The following LEKR1 variants were observed in gnomAD, a reference collection of about 807,000 sequenced individuals.
The protein encoded by LEKR1 is leucine, glutamate and lysine rich 1, also known as protein LEKR1.
Under a neutral mutation model 72.4 loss-of-function variants are expected in LEKR1, and 59 were observed. The observed-to-expected ratio is 0.82, with a 90% CI of 0.66 to 1.01. The LOEUF (loss-of-function observed/expected upper bound fraction) is 1.01. Among genes scored for constraint, LEKR1 ranks in the 50% least tolerant of loss-of-function variants. The probability of loss-of-function intolerance (pLI) is 0.00; values close to 1 mark genes in which losing one functional copy is unlikely to be tolerated. For synonymous variants in LEKR1, 257 were observed against 263.2 expected, an observed-to-expected ratio of 0.98 and a Z score of 0.23; for missense variants, 728 against 759.2, an observed-to-expected ratio of 0.96 and a Z score of 0.48.
At chr3:156,892,872 A>G (rs1330766475) in intron 3 of LEKR1, among the ~76,000 whole-genome samples, 1 of 152,240 alleles carries the variant, frequency 6.6e-6, no homozygotes, top group Non-Finnish European at 1.5e-5. Context: ...AATTTAGCAC[A>G]GTTTGGTGGT....
In LEKR1 at chr3:157,034,357, G is replaced by A. The variant is rs534734534; in HGVS notation, c.1668+5955G>A. 1.4e-3 allele frequency among the ~76,000 whole-genome samples: 219 copies of A among 152,262 alleles called. 1 individual carries two copies. Among genetic ancestry groups the A allele is most frequent in the African/African-American group, 5.1e-3 (211 of 41,564 alleles). The stretch of plus-strand genomic sequence containing the variant: ...CATTCAGAACATTCCTAATTCATGG[G>A]TAGAGGATAAAATATCAATAATTAC... On this transcript the variant is annotated intron_variant, in intron 12 of 12. Coordinates refer to ENST00000356539, the MANE Select transcript of LEKR1 (RefSeq NM_001004316.3).
intron 12 of LEKR1, among the ~76,000 whole-genome samples, chr3:157,038,548 G>C (rs1735122545): frequency 6.6e-6 from 1 of 152,172 alleles, no homozygotes; most frequent in Non-Finnish European, 1.5e-5. Flanking sequence ...CAAGGGTTGA[G>C]AACAGGCACT....
rs200658547 is a variant in LEKR1, at chr3:156,979,270, G to C, written c.822G>C (p.Met274Ile). 2.2e-3 allele frequency: 2,794 copies of C among 1,274,164 alleles called. 3 individuals are homozygous for C. Among genetic ancestry groups the C allele is most frequent in the Non-Finnish European group, 2.4e-3 (2,360 of 973,962 alleles). 78.9% of individuals were successfully genotyped at this position (1,274,164 alleles called of 1,614,324 possible). A position where few individuals can be genotyped will look rare whatever the true frequency, so the allele number is the denominator to read the frequency against. The change falls in exon 7 of 13, where the codon ATG (methionine) becomes ATC (isoleucine). Residue 274 changes from methionine (M) to isoleucine (I), a missense_variant. Met to Ile is a conservative substitution (Grantham distance 10). Coordinates refer to ENST00000356539, the MANE Select transcript of LEKR1 (RefSeq NM_001004316.3). ...CAGAGATGGACAACTATAAAGAAATGCTTATGTAAGATGGAGAATATTAAA... is the reference window on the plus strand; with the variant it reads ...CAGAGATGGACAACTATAAAGAAATCCTTATGTAAGATGGAGAATATTAAA... ...AVTEMDNYKE[M>I]LMNKSNEADD...
At chr3:156,920,065 G>A (rs1724048316) in intron 3 of LEKR1, among the ~76,000 whole-genome samples, 1 of 151,920 alleles carries the variant, frequency 6.6e-6, no homozygotes, top group Non-Finnish European at 1.5e-5. Context: ...ATAAGTGGAA[G>A]CAACATGAGG....
intron 12 of LEKR1, among the ~76,000 whole-genome samples, chr3:157,044,271 C>A (rs1046289737): frequency 2.0e-5 from 3 of 152,196 alleles, no homozygotes; most frequent in African/African-American, 7.2e-5. Flanking sequence ...GAATTATTTA[C>A]TTTTCAGCCT....
At chr3:157,029,093 G>A (rs1734413432) in intron 12 of LEKR1, among the ~76,000 whole-genome samples, 1 of 152,158 alleles carries the variant, frequency 6.6e-6, no homozygotes, top group African/African-American at 2.4e-5. Flanking sequence ...GTAAATGGAG[G>A]AAGATTCTGA....
intron 7 of LEKR1, among the ~76,000 whole-genome samples, chr3:156,982,836 AAT>A (rs1011922613): frequency 5.6e-5 from 8 of 144,102 alleles, no homozygotes; most frequent in East Asian, 1.9e-4. Context: ...TATATATATG[AAT>A]ATGTGTGTGT....
At position 156,982,855 on chromosome 3, in the gene LEKR1, GTAGATAGATAGATAGA is replaced by G. The variant is rs57476413; in HGVS notation, c.827+3618_827+3633del. Among the ~76,000 whole-genome samples the G allele has an allele frequency of 5.9e-4, 82 of 140,104 alleles. No homozygotes were observed. In the South Asian group the frequency reaches 7.9e-3, roughly 13 times the overall value. 91.9% of individuals were successfully genotyped at this position (140,104 alleles called of 152,430 possible). ...TATATGAATATGTGTGTGTGTGTGTGTAGATAGATAGATAGATAGATAGATAGATAGATAGATAGAT... is the reference window on the plus strand; with the variant it reads ...TATATGAATATGTGTGTGTGTGTGTGTAGATAGATAGATAGATAGATAGAT... On this transcript the variant is annotated intron_variant, in intron 7 of 12. Coordinates refer to ENST00000356539, the MANE Select transcript of LEKR1 (RefSeq NM_001004316.3).
rs1040882043 is a variant in LEKR1, at chr3:157,019,360, A to T, written c.1204-5400A>T. On this transcript the variant is annotated intron_variant, in intron 10 of 12. Transcript: ENST00000356539. The stretch of plus-strand genomic sequence containing the variant: ...GTATTAAATACAGATTTTATAAAGT[A>T]CTAATTATGCATTTCAACAACAAAT... 6.6e-5 allele frequency among the ~76,000 whole-genome samples: 10 copies of T among 152,304 alleles called. 1 individual carries two copies. In the East Asian group the frequency reaches 1.9e-3, roughly 29 times the overall value.
chr3:157,012,886 T>A (rs1733005003), intron 10 of LEKR1, among the ~76,000 whole-genome samples: 1 of 152,108 alleles, frequency 6.6e-6, no homozygotes, highest in South Asian at 2.1e-4. Flanking sequence ...TCCCTTTCCT[T>A]ATTCTTACCA....
At chr3:156,950,892 T>G (rs997266972) in intron 6 of LEKR1, among the ~76,000 whole-genome samples, 2 of 151,730 alleles carry the variant, frequency 1.3e-5, no homozygotes, top group African/African-American at 2.4e-5. Flanking sequence ...GCTTAGGACT[T>G]CCAATGCTAT....
At chr3:156,971,683 T>C (rs1485904384) in intron 6 of LEKR1, among the ~76,000 whole-genome samples, 1 of 152,018 alleles carries the variant, frequency 6.6e-6, no homozygotes, top group Non-Finnish European at 1.5e-5. Flanking sequence ...GGGCGAAGGA[T>C]ATGAACAGAC....
At chr3:156,863,115 G>A (rs1716949650) in intron 3 of LEKR1, among the ~76,000 whole-genome samples, 1 of 152,022 alleles carries the variant, frequency 6.6e-6, no homozygotes, top group African/African-American at 2.4e-5. Flanking sequence ...ATAAGGCAGG[G>A]GTTGGGGAGG....
chr3:156,870,957 T>TTA (rs1717860841), intron 3 of LEKR1, among the ~76,000 whole-genome samples: 1 of 151,880 alleles, frequency 6.6e-6, no homozygotes, highest in African/African-American at 2.4e-5. Flanking sequence ...CATTCTTTTT[T>TTA]TTATTATTAT....
intron 5 of LEKR1, among the ~76,000 whole-genome samples, chr3:156,935,885 G>A (rs944655971): frequency 1.3e-5 from 2 of 152,108 alleles, no homozygotes; most frequent in African/African-American, 4.8e-5. Flanking sequence ...AATTACATGT[G>A]TGGTTTGCAT....
intron 7 of LEKR1, chr3:156,979,504 G>A (rs1394082460): frequency 9.7e-6 from 2 of 205,226 alleles, no homozygotes; most frequent in East Asian, 1.3e-4. Context: ...AATACATGGA[G>A]GATTTCTTTC....
intron 6 of LEKR1, among the ~76,000 whole-genome samples, chr3:156,960,774 A>G (rs1728056540): frequency 6.6e-6 from 1 of 152,204 alleles, no homozygotes; most frequent in Admixed American, 6.5e-5. Flanking sequence ...ATAGCAACCT[A>G]ACTCTTAATG....
intron 7 of LEKR1, among the ~76,000 whole-genome samples, chr3:156,982,365 C>T (rs1368578492): frequency 1.2e-5 from 1 of 82,498 alleles, no homozygotes; most frequent in Admixed American, 1.5e-4. Flanking sequence ...GATATGGTGC[C>T]TGCAGGCAGG....
intron 6 of LEKR1, among the ~76,000 whole-genome samples, chr3:156,972,357 G>C (rs111914640): frequency 2.6e-4 from 39 of 151,992 alleles, no homozygotes; most frequent in East Asian, 1.2e-3. Flanking sequence ...GTCGGAGGAG[G>C]GGGGAGGGAT....
Sources: gnomAD v4.1 joint callset for allele counts (sites outside exome capture counted in the v4.1 genomes callset) on GRCh38, gnomAD v4.1.1 for gene constraint, MANE v1.5 for transcripts, NCBI Gene and HGNC (gene_info 2026-07-23, HGNC 2026-07-21) for gene names.